ADGRA1: variants seen among roughly 807,000 people sequenced by gnomAD.
ADGRA1 encodes the protein G-protein coupled receptor 123.
Under a neutral mutation model 21.3 loss-of-function variants are expected in ADGRA1, and 12 were observed. The observed-to-expected ratio is 0.56, with a 90% confidence interval of 0.36 to 0.91. The LOEUF is 0.91. Ranked by LOEUF, ADGRA1 falls within the 40% of genes least tolerant of loss-of-function variation. ADGRA1 has a pLI of 0.01. For synonymous variants in ADGRA1, 385 were observed against 368.8 expected, an observed-to-expected ratio of 1.04 and a Z score of -0.50; for missense variants, 790 against 805.6, an observed-to-expected ratio of 0.98 and a Z score of 0.23.
rs542002244 is a variant in ADGRA1, at chr10:133,116,127, C to T, written c.402-11106C>T. On this transcript the variant is annotated intron_variant, in intron 5 of 6. Transcript: ENST00000392607. ...CACGCCGCTCTGCAGGGGCATTCCT[C>T]GTGGAGCCCAGGCCCCTTGCCCCCC... Among the ~76,000 whole-genome samples, 169 of 152,280 alleles carry T rather than the reference C, an allele frequency of 1.1e-3. 1 individual carries two copies. Among genetic ancestry groups the T allele is most frequent in the African/African-American group, 3.9e-3 (164 of 41,542 alleles).
At chr10:133,127,493 C>G (rs1852399165) in intron 6 of ADGRA1, among the ~76,000 whole-genome samples, 162 bp downstream of exon 6, 1 of 152,036 alleles carries the variant, frequency 6.6e-6, no homozygotes. Context: ...CTCGCACCCC[C>G]GAGGAGTGCG....
chr10:133,096,111 T>C (rs1851683863), intron 2 of ADGRA1, among the ~76,000 whole-genome samples: 1 of 152,222 alleles, frequency 6.6e-6, no homozygotes, highest in Admixed American at 6.5e-5. Flanking sequence ...ACAGACATGT[T>C]TCCCACAGTC....
At chr10:133,095,825 C>T in intron 2 of ADGRA1, 2 of 1,579,454 alleles carry the variant, frequency 1.3e-6, no homozygotes, top group Non-Finnish European at 1.7e-6. Flanking sequence ...AGGAGGGTCC[C>T]TCTCCACTTC....
Position 133,128,317 on chromosome 10 carries a change from G to A in ADGRA1, c.501-12G>A, listed in dbSNP as rs189113844. ...GCTGGCCCCGCTGACACTGACGTGC[G>A]TCTCCCCACAGCTGCTGGATGGCCT... On this transcript the variant is annotated splice_polypyrimidine_tract_variant and intron_variant, in intron 6 of 6. Coordinates refer to ENST00000392607, the MANE Select transcript of ADGRA1 (RefSeq NM_001083909.3). 1.7e-3 allele frequency: 2,641 copies of A among 1,521,330 alleles called. 23 individuals are homozygous for A. Among genetic ancestry groups the A allele is most frequent in the South Asian group, 0.016 (1,185 of 76,224 alleles). The allele number at this position is 1,521,330 out of a possible 1,614,324, so 94.2% of individuals were successfully genotyped here.
At chr10:133,123,219 C>T (rs1852309149) in intron 5 of ADGRA1, among the ~76,000 whole-genome samples, 1 of 152,192 alleles carries the variant, frequency 6.6e-6, no homozygotes, top group South Asian at 2.1e-4. Context: ...CTGCGCCCGT[C>T]TGTGAGCATT....
Position 133,111,992 on chromosome 10 carries a change from T to TCCCTCCA in ADGRA1, c.401+9150_401+9151insCCCTCCA, listed in dbSNP as rs1564849744. ...CCCACCACAGGCACCTCCCTCCTAATGCCTCCAGACCACCTGCCCACCACA... is the reference window on the plus strand; with the variant it reads ...CCCACCACAGGCACCTCCCTCCTAATCCCTCCAGCCTCCAGACCACCTGCCCACCACA... On this transcript the variant is annotated intron_variant, in intron 5 of 6. Coordinates refer to ENST00000392607, the MANE Select transcript of ADGRA1 (RefSeq NM_001083909.3). Among the ~76,000 whole-genome samples the TCCCTCCA allele has an allele frequency of 7.9e-5, 8 of 101,760 alleles. 2 individuals are homozygous for TCCCTCCA. 66.8% of individuals were successfully genotyped at this position (101,760 alleles called of 152,430 possible). A position where few individuals can be genotyped will look rare whatever the true frequency, so the allele number is the denominator to read the frequency against.
In ADGRA1 at chr10:133,128,999, C is replaced by A. The variant is rs545393508; in HGVS notation, c.1171C>A (p.Pro391Thr). Residue 391 changes from proline to threonine, a missense_variant, in exon 7 of 7, where the codon CCA becomes ACA. Around this residue, in one of 3 missense-constraint regions of ADGRA1, gnomAD observed 391 missense variants for 351.5 expected, o/e 1.11. Coordinates refer to ENST00000392607, the MANE Select transcript of ADGRA1 (RefSeq NM_001083909.3). ...GTGCTGCGCCAAGATGCACTGCGAG[C>A]CACTGACGGCGGACGAGGCGCACGT... ...TPCCAKMHCEPLTADEAHVHL... is the reference protein window; with the variant it reads ...TPCCAKMHCETLTADEAHVHL... 5.7e-5 allele frequency: 90 copies of A among 1,569,696 alleles called. No homozygotes were observed. In the African/African-American group the frequency reaches 1.1e-3, roughly 19 times the overall value.
intron 2 of ADGRA1, 116 bp downstream of exon 2, chr10:133,089,028 G>C: frequency 8.1e-7 from 1 of 1,234,374 alleles, no homozygotes; most frequent in African/African-American, 1.5e-5. Flanking sequence ...GCTGGTGACC[G>C]GGCTTCCGGG....
intron 4 of ADGRA1, among the ~76,000 whole-genome samples, chr10:133,101,773 C>CG (rs905427161): frequency 2.0e-5 from 3 of 152,158 alleles, no homozygotes; most frequent in Admixed American, 6.5e-5. Flanking sequence ...GTGGCCAGGC[C>CG]GGGGGAAAGG....
chr10:133,105,661 G>T (rs4838797), intron 5 of ADGRA1, among the ~76,000 whole-genome samples: 94,390 of 152,090 alleles, frequency 0.62, 29,966 homozygotes, highest in African/African-American at 0.76. Context: ...CACCTCGGCT[G>T]GGGACCTCCC....
Position 133,098,626 on chromosome 10 carries a change from T to C in ADGRA1, c.132-14T>C, listed in dbSNP as rs1378684011. ...GCCTCTGCTCATGTGAAACCCTCCT[T>C]TCCCGTCCCACAGCGCCATCCGCAT... On this transcript the variant is annotated splice_polypyrimidine_tract_variant and intron_variant, in intron 3 of 6. Coordinates refer to ENST00000392607, the MANE Select transcript of ADGRA1 (RefSeq NM_001083909.3). The C allele has an allele frequency of 6.2e-7, 1 of 1,604,556 alleles. No homozygotes were observed.
chr10:133,121,854 T>C (rs975647098), intron 5 of ADGRA1, among the ~76,000 whole-genome samples: 6 of 146,762 alleles, frequency 4.1e-5, no homozygotes, highest in Non-Finnish European at 6.0e-5. Context: ...CCTGTGCGTG[T>C]GTGAATGAGT....
At chr10:133,108,807 CAT>C (rs1851936267) in intron 5 of ADGRA1, among the ~76,000 whole-genome samples, 1 of 142,166 alleles carries the variant, frequency 7.0e-6, no homozygotes. Context: ...CCTCCCCTCA[CAT>C]CCTCCATGGT....
intron 5 of ADGRA1, among the ~76,000 whole-genome samples, chr10:133,118,976 C>T (rs575429715): frequency 7.2e-5 from 11 of 152,132 alleles, no homozygotes; most frequent in Middle Eastern, 3.4e-3. Flanking sequence ...ATCACACACA[C>T]GCACCACACA....
chr10:133,110,889 C>T (rs1019161579), intron 5 of ADGRA1, among the ~76,000 whole-genome samples: 2 of 152,152 alleles, frequency 1.3e-5, no homozygotes, highest in Non-Finnish European at 2.9e-5. Context: ...CTGCATGGGG[C>T]CCTGGACACA....
chr10:133,101,734 C>T (rs1464355548), intron 4 of ADGRA1, among the ~76,000 whole-genome samples: 2 of 152,224 alleles, frequency 1.3e-5, no homozygotes, highest in African/African-American at 2.4e-5. Context: ...GAGGCCTAGG[C>T]ACTGGGATGG....
intron 2 of ADGRA1, among the ~76,000 whole-genome samples, chr10:133,093,736 G>A (rs1219813965): frequency 6.6e-6 from 1 of 152,218 alleles, no homozygotes; most frequent in Non-Finnish European, 1.5e-5. Flanking sequence ...ATTGCGAGCC[G>A]AGGGTCCAGG....
intron 5 of ADGRA1, among the ~76,000 whole-genome samples, chr10:133,106,280 C>G (rs1033937380): frequency 6.6e-6 from 1 of 152,198 alleles, no homozygotes; most frequent in African/African-American, 2.4e-5. Context: ...AGTCCCAGGC[C>G]CATCACTCCC....
At chr10:133,112,977 C>T (rs1852086260) in intron 5 of ADGRA1, among the ~76,000 whole-genome samples, 1 of 132,350 alleles carries the variant, frequency 7.6e-6, no homozygotes, top group Admixed American at 7.9e-5. Flanking sequence ...CTGCGGGCCG[C>T]GTCAGTTATT....
Sources: gnomAD v4.1 joint callset for allele counts (sites outside exome capture counted in the v4.1 genomes callset) on GRCh38, gnomAD v4.1.1 for gene constraint, gnomAD v4.1.1 regional missense constraint, MANE v1.5 for transcripts, NCBI Gene and HGNC (gene_info 2026-07-23, HGNC 2026-07-21) for gene names.